AGBL1: variants seen among roughly 807,000 people sequenced by gnomAD.
AGBL1 encodes AGBL carboxypeptidase 1.
In AGBL1, 130 loss-of-function variants were observed where a neutral mutation model predicts 118.9. The ratio of observed to expected loss-of-function variants is 1.09; its 90% CI spans 0.95 to 1.26. The LOEUF (loss-of-function observed/expected upper bound fraction) is 1.26, where lower values mean the gene tolerates loss of function less well. Ranked by LOEUF, AGBL1 falls within the 50% of genes most tolerant of loss-of-function variation. AGBL1 has a pLI of 0.00. For synonymous variants in AGBL1, 555 were observed against 478.9 expected (o/e 1.16, Z -2.08); for missense variants, 1,584 against 1,298.1 (o/e 1.22, Z -3.38).
intron 5 of AGBL1, among the ~76,000 whole-genome samples, chr15:86,163,508 A>C (rs1239558780): frequency 6.6e-6 from 1 of 152,160 alleles, no homozygotes; most frequent in East Asian, 1.9e-4. Context: ...TGGGTGGGTC[A>C]CCTAAGATCA....
At chr15:86,287,949 C>G (rs574989021) in intron 16 of AGBL1, among the ~76,000 whole-genome samples, 1 of 152,168 alleles carries the variant, frequency 6.6e-6, no homozygotes. Context: ...TCTGAAGAAT[C>G]CTGCATCCAC....
At chr15:86,784,036 C>T (rs950126346) in intron 22 of AGBL1, among the ~76,000 whole-genome samples, 4 of 152,154 alleles carry the variant, frequency 2.6e-5, no homozygotes, top group African/African-American at 4.8e-5. Flanking sequence ...GAGATTAAAT[C>T]CCTGCCCTAA....
At chr15:86,881,379 C>T (rs760608866) in intron 22 of AGBL1, among the ~76,000 whole-genome samples, 11 of 152,162 alleles carry the variant, frequency 7.2e-5, no homozygotes, top group African/African-American at 2.7e-4. Flanking sequence ...CTCTCATGTC[C>T]ACTTGGTAAT....
intron 17 of AGBL1, among the ~76,000 whole-genome samples, chr15:86,354,943 G>A (rs2080689408): frequency 6.6e-6 from 1 of 152,212 alleles, no homozygotes; most frequent in African/African-American, 2.4e-5. Flanking sequence ...AACTTGATGT[G>A]CTGTTGTGGA....
intron 1 of AGBL1, among the ~76,000 whole-genome samples, 162 bp from the exon 2 acceptor site, chr15:86,141,842 C>G (rs964974915): frequency 6.6e-6 from 1 of 152,196 alleles, no homozygotes; most frequent in East Asian, 1.9e-4. Flanking sequence ...GGAGGCACAG[C>G]CCCTGGGTCT....
Position 86,096,506 on chromosome 15 carries a change from C to T in AGBL1, c.51+16483C>T, listed in dbSNP as rs116026993. On this transcript the variant is annotated intron_variant, in intron 1 of 22. Transcript: ENST00000614907. Reference sequence around the variant, plus strand: ...CCTTTCAAAAAAATCCTGGATTAGGCAGTCTTTTGGGTAAAATTATATTGT... The same window carrying T: ...CCTTTCAAAAAAATCCTGGATTAGGTAGTCTTTTGGGTAAAATTATATTGT... 2.7e-3 allele frequency among the ~76,000 whole-genome samples: 408 copies of T among 152,168 alleles called. 2 individuals are homozygous for T. Among genetic ancestry groups the T allele is most frequent in the African/African-American group, 9.6e-3 (397 of 41,516 alleles).
chr15:86,224,788 A>AATT, intron 5 of AGBL1, 126 bp from the exon 6 acceptor site: 1 of 844,718 alleles, frequency 1.2e-6, no homozygotes, highest in Non-Finnish European at 2.0e-6. Flanking sequence ...CAATCAATAG[A>AATT]TTGCCTGCTA....
chr15:86,567,694 TTAATG>T (rs770254938), intron 21 of AGBL1, among the ~76,000 whole-genome samples: 38 of 152,342 alleles, frequency 2.5e-4, no homozygotes, highest in Admixed American at 1.5e-3. Flanking sequence ...CTTTCTTTCA[TTAATG>T]TAATCTGAGG....
chr15:86,695,541 C>A (rs1421865874), intron 22 of AGBL1, among the ~76,000 whole-genome samples: 4 of 151,966 alleles, frequency 2.6e-5, no homozygotes, highest in South Asian at 4.1e-4. Context: ...TTTCAAAGAA[C>A]CAGCTTTTTG....
chr15:86,114,656 A>G (rs904856740), intron 1 of AGBL1, among the ~76,000 whole-genome samples: 2 of 152,148 alleles, frequency 1.3e-5, no homozygotes, highest in African/African-American at 2.4e-5. Flanking sequence ...ATGCATATGA[A>G]TCCTGTTGAA....
chr15:86,314,140 C>A (rs1254917815), intron 17 of AGBL1, among the ~76,000 whole-genome samples: 1 of 152,160 alleles, frequency 6.6e-6, no homozygotes, highest in African/African-American at 2.4e-5. Flanking sequence ...TTTGGATATG[C>A]CCAAGGGTAT....
chr15:86,310,105 C>A (rs758336083), intron 17 of AGBL1, among the ~76,000 whole-genome samples: 3 of 152,112 alleles, frequency 2.0e-5, no homozygotes, highest in Non-Finnish European at 4.4e-5. Flanking sequence ...AATCTCCTTA[C>A]TTGTTATTGG....
chr15:86,987,147 A>G (rs6496380), intron 23 of AGBL1, among the ~76,000 whole-genome samples: 123,795 of 152,098 alleles, frequency 0.81, 51,017 homozygotes, highest in South Asian at 0.95. Context: ...GCAGGAACAG[A>G]CCATTTAAAT....
At chr15:86,642,826 G>A (rs979026187) in intron 21 of AGBL1, among the ~76,000 whole-genome samples, 10 of 152,026 alleles carry the variant, frequency 6.6e-5, no homozygotes, top group African/African-American at 2.4e-4. Context: ...GCACTGGGTA[G>A]CTACCATCTT....
chr15:86,831,398 C>T (rs575755138), intron 22 of AGBL1, among the ~76,000 whole-genome samples: 15 of 152,326 alleles, frequency 9.8e-5, no homozygotes, highest in African/African-American at 3.6e-4. Flanking sequence ...AGACAAGTCC[C>T]TTCTGCCTAT....
chr15:86,596,723 C>T (rs1023872384), intron 21 of AGBL1, among the ~76,000 whole-genome samples: 1 of 152,180 alleles, frequency 6.6e-6, no homozygotes, highest in Admixed American at 6.5e-5. Flanking sequence ...CCTTCACCTT[C>T]AGAGTTTCTA....
intron 3 of AGBL1, among the ~76,000 whole-genome samples, chr15:86,146,360 T>C (rs1398134898): frequency 6.6e-6 from 1 of 152,202 alleles, no homozygotes; most frequent in East Asian, 1.9e-4. Context: ...CTAGAGATGA[T>C]GTAAGGTCTG....
chr15:86,775,908 C>T (rs1421985313), intron 22 of AGBL1, among the ~76,000 whole-genome samples: 1 of 152,012 alleles, frequency 6.6e-6, no homozygotes, highest in African/African-American at 2.4e-5. Flanking sequence ...TTTCATCATC[C>T]TTAACATCTT....
intron 1 of AGBL1, among the ~76,000 whole-genome samples, chr15:86,082,840 G>A (rs972209018): frequency 6.6e-6 from 1 of 152,200 alleles, no homozygotes; most frequent in Non-Finnish European, 1.5e-5. Context: ...TGTGGGTCTG[G>A]GTGAAGCAGG....
Sources: allele counts gnomAD v4.1 joint callset (sites outside exome capture counted in the v4.1 genomes callset), GRCh38; gene constraint gnomAD v4.1.1; transcripts MANE v1.5; gene names NCBI Gene and HGNC (gene_info 2026-07-23, HGNC 2026-07-21).